FGD4: variants seen among roughly 807,000 people sequenced by gnomAD.
FGD4 encodes the protein FYVE, RhoGEF and PH domain-containing protein 4.
A neutral mutation model predicts 102.0 loss-of-function variants in FGD4; 42 were observed. The ratio of observed to expected loss-of-function variants is 0.41; its 90% CI spans 0.32 to 0.53. The LOEUF (loss-of-function observed/expected upper bound fraction) is 0.53, where lower values mean the gene tolerates loss of function less well. Among genes scored for constraint, FGD4 ranks in the 20% least tolerant of loss-of-function variants. The pLI is 0.21. For missense variants in FGD4, 902 were observed against 1,078.2 expected, an observed-to-expected ratio of 0.84 and a Z score of 2.29; for synonymous variants, 380 against 375.7, an observed-to-expected ratio of 1.01 and a Z score of -0.13.
chr12:32,415,885 TG>T (rs1941396399), intron 1 of FGD4, among the ~76,000 whole-genome samples: 1 of 152,252 alleles, frequency 6.6e-6, no homozygotes, highest in South Asian at 2.1e-4. Context: ...GCTCTTTTTT[TG>T]TTTTCATTGG....
chr12:32,416,901 C>CTT (rs746296505), intron 1 of FGD4, among the ~76,000 whole-genome samples: 7 of 142,730 alleles, frequency 4.9e-5, no homozygotes, highest in Admixed American at 2.8e-4. Context: ...TTTTCTTTTT[C>CTT]TTTTTTTTTT....
At chr12:32,614,530 A>G (rs1028371420) in intron 10 of FGD4, among the ~76,000 whole-genome samples, 2 of 152,242 alleles carry the variant, frequency 1.3e-5, no homozygotes, top group Non-Finnish European at 2.9e-5. Flanking sequence ...AAAACTAGCA[A>G]AAGATTTTAG....
At position 32,411,214 on chromosome 12, in the gene FGD4, C is replaced by T. The variant is rs143549407; in HGVS notation, c.166+11255C>T. Among the ~76,000 whole-genome samples, 1,089 of 151,928 alleles carry T rather than the reference C, an allele frequency of 7.2e-3. 8 individuals carry two copies. Among genetic ancestry groups the T allele is most frequent in the African/African-American group, 0.025 (1,036 of 41,504 alleles). Reference sequence around the variant, plus strand: ...AAAGTGCTAGGATTACAGGTGTGAGCCACTGCGCCCGGCCGCTCATTTGTA... The same window carrying T: ...AAAGTGCTAGGATTACAGGTGTGAGTCACTGCGCCCGGCCGCTCATTTGTA... On this transcript the variant is annotated intron_variant, in intron 1 of 16. Transcript: ENST00000534526.
At chr12:32,481,934 A>G (rs1179508543) in intron 1 of FGD4, among the ~76,000 whole-genome samples, 1 of 152,186 alleles carries the variant, frequency 6.6e-6, no homozygotes, top group Non-Finnish European at 1.5e-5. Flanking sequence ...CAATTATAGA[A>G]CATTTTCATT....
intron 1 of FGD4, among the ~76,000 whole-genome samples, chr12:32,426,503 A>G (rs1044332949): frequency 1.3e-5 from 2 of 152,218 alleles, no homozygotes; most frequent in African/African-American, 4.8e-5. Flanking sequence ...GATGTTCATC[A>G]GGGATATTGG....
chr12:32,406,154 C>T (rs1940922759), intron 1 of FGD4, among the ~76,000 whole-genome samples: 1 of 151,924 alleles, frequency 6.6e-6, no homozygotes, highest in Non-Finnish European at 1.5e-5. Flanking sequence ...TGTTGGTAGG[C>T]TGGTCTCGAA....
intron 1 of FGD4, among the ~76,000 whole-genome samples, chr12:32,535,689 G>A (rs893259611): frequency 4.0e-5 from 6 of 151,504 alleles, no homozygotes; most frequent in African/African-American, 1.5e-4. Context: ...CTCACCCCAA[G>A]CAGTGAAGTT....
chr12:32,602,124 T>A lies in FGD4; in HGVS notation c.1248-37T>A, dbSNP rs4931641. 0.35 allele frequency: 554,711 copies of A among 1,594,468 alleles called. 100,881 individuals are homozygous for A. The highest frequency in any genetic ancestry group is 0.65 in the African/African-American group (47,635 of 73,842). ...AACAAGACCCTGTCTCAAAAAAAAA[T>A]TTTTTTTAAAGACTTGTTTTTCTAT... On this transcript the variant is annotated intron_variant, in intron 6 of 16. Coordinates refer to ENST00000534526, the MANE Select transcript of FGD4 (RefSeq NM_001370298.3).
intron 1 of FGD4, among the ~76,000 whole-genome samples, chr12:32,432,051 ATTTTTT>A (rs60933809): frequency 9.3e-6 from 1 of 107,710 alleles, no homozygotes; most frequent in Non-Finnish European, 2.0e-5. Context: ...TAATCCTAGC[ATTTTTT>A]TTTTTTTTTT....
At chr12:32,546,211 G>A (rs1943214485) in intron 1 of FGD4, among the ~76,000 whole-genome samples, 1 of 152,176 alleles carries the variant, frequency 6.6e-6, no homozygotes. Flanking sequence ...TTATGAGCCT[G>A]TTTCTCTTTT....
chr12:32,555,946 G>A (rs751192903), intron 1 of FGD4, among the ~76,000 whole-genome samples: 5 of 151,888 alleles, frequency 3.3e-5, no homozygotes, highest in Non-Finnish European at 7.4e-5. Flanking sequence ...AAACTCCTGG[G>A]CTCAAGTAAT....
chr12:32,456,158 A>G (rs552231257), intron 1 of FGD4, among the ~76,000 whole-genome samples: 12 of 152,298 alleles, frequency 7.9e-5, no homozygotes, highest in Non-Finnish European at 1.6e-4. Context: ...AATCTTGGCA[A>G]ATATTATAGC....
chr12:32,549,538 A>G (rs1463506850), intron 1 of FGD4, among the ~76,000 whole-genome samples: 2 of 152,180 alleles, frequency 1.3e-5, no homozygotes, highest in Non-Finnish European at 2.9e-5. Context: ...ACAAACAACA[A>G]AACATAATGA....
At chr12:32,609,140 A>G (rs1435704845) in intron 8 of FGD4, among the ~76,000 whole-genome samples, 3 of 152,324 alleles carry the variant, frequency 2.0e-5, no homozygotes, top group African/African-American at 7.2e-5. Context: ...CTGGGATTAC[A>G]GGTGTGAGCC....
In FGD4 at chr12:32,640,584, G is replaced by T; in HGVS notation, c.*51G>T. 6.2e-7 allele frequency: 1 copy of T among 1,611,778 alleles called. No individual in the cohort carries two copies. Among genetic ancestry groups the T allele is most frequent in the Non-Finnish European group, 8.5e-7 (1 of 1,179,728 alleles). On this transcript the variant is annotated 3_prime_UTR_variant, in exon 17 of 17. Coordinates refer to ENST00000534526, the MANE Select transcript of FGD4 (RefSeq NM_001370298.3). ...GGAGGTCTCAGGACTTACAGCTCAA[G>T]ACATTCCCAGCTCTTCTTACACATC...
At chr12:32,414,287 T>A (rs2455007) in intron 1 of FGD4, among the ~76,000 whole-genome samples, 32,614 of 151,718 alleles carry the variant, frequency 0.21, 4,478 homozygotes, top group African/African-American at 0.37. Flanking sequence ...CTTTTTTTTT[T>A]AAAAAATTAT....
chr12:32,538,940 T>C (rs2136114383), intron 1 of FGD4, among the ~76,000 whole-genome samples: 1 of 151,952 alleles, frequency 6.6e-6, no homozygotes, highest in South Asian at 2.1e-4. Flanking sequence ...TGTAGTCCCA[T>C]CTACTCAGTA....
At chr12:32,500,464 C>T (rs555535927) in intron 1 of FGD4, among the ~76,000 whole-genome samples, 2 of 145,584 alleles carry the variant, frequency 1.4e-5, no homozygotes, top group Non-Finnish European at 3.0e-5. Flanking sequence ...GACGAAGTCT[C>T]ACTCTGTTAC....
At chr12:32,504,873 T>C (rs987869674) in intron 1 of FGD4, among the ~76,000 whole-genome samples, 3 of 152,218 alleles carry the variant, frequency 2.0e-5, no homozygotes, top group African/African-American at 7.2e-5. Flanking sequence ...TTGCCTGACA[T>C]AACAAATTCA....
Sources: allele counts gnomAD v4.1 joint callset (sites outside exome capture counted in the v4.1 genomes callset), GRCh38; gene constraint gnomAD v4.1.1; transcripts MANE v1.5; gene names NCBI Gene and HGNC (gene_info 2026-07-23, HGNC 2026-07-21).